SAMD3: variants seen among roughly 807,000 people sequenced by gnomAD.
SAMD3 encodes sterile alpha motif domain containing 3.
In SAMD3, 63 loss-of-function variants were observed where a neutral mutation model predicts 58.5. That is an observed-to-expected ratio of 1.08 (90% CI 0.88 to 1.33). The LOEUF (loss-of-function observed/expected upper bound fraction) is 1.33. Ranked by LOEUF, SAMD3 falls within the 40% of genes most tolerant of loss-of-function variation. The pLI is 0.00. For synonymous variants in SAMD3, 220 were observed against 210.3 expected (o/e 1.05, Z -0.40); for missense variants, 604 against 608.4 (o/e 0.99, Z 0.08).
chr6:130,209,495 C>A lies in SAMD3; in HGVS notation c.383G>T (p.Arg128Ile). 3.2e-6 allele frequency: 5 copies of A among 1,570,648 alleles called. No homozygotes were observed. In the South Asian group the frequency reaches 4.4e-5, roughly 14 times the overall value. ...ACTGTCTTAAAGTTGGTACCCCCAC[C>A]TCTGTTTCAATACTCTTTGGTCAAT... ...GLIDQRVLKQ[R>I]RNVKQILARS... Residue 128 changes from arginine to isoleucine, a missense_variant and splice_region_variant, in exon 5 of 12, where the codon AGA (arginine) becomes ATA (isoleucine). Physicochemically the swap from Arg to Ile is moderately conservative, Grantham distance 97. Transcript: ENST00000439090.
At chr6:130,195,645 C>G (rs943009906) in intron 5 of SAMD3, among the ~76,000 whole-genome samples, 5 of 152,180 alleles carry the variant, frequency 3.3e-5, no homozygotes, top group African/African-American at 1.2e-4. Context: ...TTCGCTTTCA[C>G]TTGGACTGAC....
chr6:130,338,997 G>T (rs1335439014), intron 1 of SAMD3, among the ~76,000 whole-genome samples: 1 of 152,074 alleles, frequency 6.6e-6, no homozygotes, highest in Non-Finnish European at 1.5e-5. Flanking sequence ...GGGGCCAGGG[G>T]CAGAATGATA....
chr6:130,295,763 T>C (rs1463535162), intron 2 of SAMD3, among the ~76,000 whole-genome samples: 1 of 152,218 alleles, frequency 6.6e-6, no homozygotes, highest in Non-Finnish European at 1.5e-5. Context: ...CATGCTGCTA[T>C]GGACTGATGT....
chr6:130,171,115 C>G (rs1370129393), intron 8 of SAMD3, among the ~76,000 whole-genome samples: 2 of 152,166 alleles, frequency 1.3e-5, no homozygotes, highest in Non-Finnish European at 2.9e-5. Context: ...TATGTTCCAT[C>G]AATACCTAGG....
Position 130,320,589 on chromosome 6 carries a change from A to G in SAMD3, c.-303-7496T>C, listed in dbSNP as rs546536016. Among the ~76,000 whole-genome samples, 34 of 152,338 alleles carry G rather than the reference A, an allele frequency of 2.2e-4. No individual in the cohort carries two copies. In the South Asian group the frequency reaches 3.1e-3, roughly 14 times the overall value. ...GATTTGCACATGAATGTTTATAGCA[A>G]CTTTGTTTGTAACGGCCCCAAACTA... On this transcript the variant is annotated intron_variant, in intron 1 of 13. Coordinates refer to the SAMD3 transcript ENST00000368134.
intron 5 of SAMD3, among the ~76,000 whole-genome samples, chr6:130,193,277 CA>C: frequency 6.6e-6 from 1 of 151,920 alleles, no homozygotes; most frequent in Non-Finnish European, 1.5e-5. Context: ...TTCTCCTTCA[CA>C]CTTAGCAGCA....
intron 1 of SAMD3, among the ~76,000 whole-genome samples, chr6:130,356,538 T>C (rs1217802991): frequency 1.3e-5 from 2 of 152,252 alleles, no homozygotes; most frequent in African/African-American, 4.8e-5. Context: ...TATGTAATTA[T>C]TATCTGCCCC....
chr6:130,338,397 T>C (rs775766687), intron 1 of SAMD3, among the ~76,000 whole-genome samples: 6 of 152,176 alleles, frequency 3.9e-5, no homozygotes, highest in Non-Finnish European at 8.8e-5. Flanking sequence ...GAAAGGGAAA[T>C]GTGGGGTTGT....
intron 2 of SAMD3, among the ~76,000 whole-genome samples, chr6:130,273,745 AG>A (rs1314165575): frequency 3.9e-5 from 6 of 152,146 alleles, no homozygotes; most frequent in African/African-American, 1.4e-4. Flanking sequence ...ATAACAACTT[AG>A]AAGTATTAAG....
upstream of SAMD3, among the ~76,000 whole-genome samples, chr6:130,226,809 T>G (rs1796393312): frequency 1.3e-5 from 2 of 151,816 alleles, no homozygotes; most frequent in African/African-American, 4.8e-5. Context: ...GCCTGGGCGA[T>G]AAGAGCGAAA....
chr6:130,296,519 G>A (rs544804846), intron 2 of SAMD3, among the ~76,000 whole-genome samples: 5 of 152,230 alleles, frequency 3.3e-5, no homozygotes, highest in East Asian at 1.9e-4. Context: ...TGCCTTCCCC[G>A]ATAACTTGTT....
intron 2 of SAMD3, among the ~76,000 whole-genome samples, chr6:130,305,098 C>G (rs1775874586): frequency 6.6e-6 from 1 of 151,888 alleles, no homozygotes; most frequent in South Asian, 2.1e-4. Context: ...GCATGCCCTG[C>G]TAACTTTCTG....
chr6:130,270,619 G>C lies in SAMD3; in HGVS notation c.-188+42359C>G, dbSNP rs1398172560. Among the ~76,000 whole-genome samples the C allele has an allele frequency of 1.1e-4, 16 of 152,158 alleles. 1 individual carries two copies. The highest frequency in any genetic ancestry group is 8.5e-4 in the Admixed American group (13 of 15,272). On this transcript the variant is annotated intron_variant, in intron 2 of 13. Coordinates refer to the SAMD3 transcript ENST00000368134. ...CACTTACAAATATAAACCATGCATA[G>C]TCTAAACATCACTTTTTCAGAAAGT...
chr6:130,214,366 G>T lies in SAMD3; in HGVS notation c.240C>A (p.Ala80=). The T allele has an allele frequency of 6.2e-7, 1 of 1,607,032 alleles. No individual in the cohort carries two copies. The highest frequency in any genetic ancestry group is 1.3e-5 in the African/African-American group (1 of 74,402). Residue 80 remains alanine, a synonymous_variant, in exon 4 of 12, where the codon GCC becomes GCA. Coordinates refer to ENST00000439090, the MANE Select transcript of SAMD3 (RefSeq NM_001017373.4). ...LKSPENPKKA[A]LVMQTEAARD... is the part of the protein sequence containing the mutation. ...GAGCTGCTTCTGTTTGCATGACCAG[G>T]GCTGCCTTTTTGGGGTTTTCTGGGG...
chr6:130,269,676 T>C (rs1774490061), intron 2 of SAMD3, among the ~76,000 whole-genome samples: 1 of 151,200 alleles, frequency 6.6e-6, no homozygotes, highest in Non-Finnish European at 1.5e-5. Flanking sequence ...GCACTTTTTT[T>C]CATTGACTGT....
intron 5 of SAMD3, among the ~76,000 whole-genome samples, chr6:130,190,598 G>A (rs1012204711): frequency 6.6e-6 from 1 of 151,900 alleles, no homozygotes; most frequent in Non-Finnish European, 1.5e-5. Context: ...GGAGATTTAG[G>A]AGGAAATAGT....
chr6:130,197,791 T>C (rs989635974), intron 5 of SAMD3, among the ~76,000 whole-genome samples: 1 of 152,172 alleles, frequency 6.6e-6, no homozygotes, highest in Non-Finnish European at 1.5e-5. Flanking sequence ...TTTCATTTTA[T>C]TTTTCTTATT....
At chr6:130,225,710 G>T (rs1316264365), upstream of SAMD3, among the ~76,000 whole-genome samples, 1 of 152,230 alleles carries the variant, frequency 6.6e-6, no homozygotes, top group Non-Finnish European at 1.5e-5. Context: ...GGTGAGAGTA[G>T]TTGGAAGAAG....
Position 130,362,498 on chromosome 6 carries a change from T to C in SAMD3, c.-304+2622A>G, listed in dbSNP as rs1053782075. ...AACAGTCAAAATCTTTAAAAAGTAA[T>C]TTTTGGATTTCTATAAGCTACTTGG... On this transcript the variant is annotated intron_variant, in intron 1 of 13. Transcript: ENST00000368134. Among the ~76,000 whole-genome samples the C allele has an allele frequency of 5.1e-4, 78 of 152,204 alleles. 1 individual carries two copies. Among genetic ancestry groups the C allele is most frequent in the Admixed American group, 5.1e-3 (78 of 15,276 alleles).
Sources: allele counts gnomAD v4.1 joint callset (sites outside exome capture counted in the v4.1 genomes callset), GRCh38; gene constraint gnomAD v4.1.1; transcripts MANE v1.5; gene names NCBI Gene and HGNC (gene_info 2026-07-23, HGNC 2026-07-21).